NRAP: variants seen among roughly 807,000 people sequenced by gnomAD.
NRAP encodes nebulin related anchoring protein.
NRAP carries 189 observed loss-of-function variants against 225.9 expected under a neutral mutation model. The ratio of observed to expected loss-of-function variants is 0.84; its 90% CI spans 0.74 to 0.94. The LOEUF (loss-of-function observed/expected upper bound fraction) is 0.94, where lower values mean the gene tolerates loss of function less well. Ranked by LOEUF, NRAP falls within the 40% of genes least tolerant of loss-of-function variation. The probability of loss-of-function intolerance (pLI) is 0.00; values close to 1 mark genes in which losing one functional copy is unlikely to be tolerated. For missense variants in NRAP, 2,176 were observed against 2,168.7 expected (o/e 1.00, Z -0.07); for synonymous variants, 769 against 790.7 (o/e 0.97, Z 0.46).
At chr10:113,649,831 T>A (rs1445674885) in intron 9 of NRAP, among the ~76,000 whole-genome samples, 1 of 152,174 alleles carries the variant, frequency 6.6e-6, no homozygotes, top group Non-Finnish European at 1.5e-5. Context: ...AAAAAGAAAG[T>A]GCCTCAATCT....
rs760493072 is a variant in NRAP at position 113,663,826 on chromosome 10, G to A, written c.57C>T (p.Ile19=). The change falls in exon 1 of 42, where the codon ATC becomes ATT. Residue 19 remains isoleucine (I), a synonymous_variant. Transcript: ENST00000359988. The part of the protein sequence containing the change: ...CGYGVYPAEK[I]SCIDQIWHKA... ...GTCTACTGACCTGATCTATACAGCT[G>A]ATCTTCTCGGCAGGATAAACCCCAT... 2.5e-6 allele frequency: 4 copies of A among 1,613,196 alleles called. No individual in the cohort carries two copies. Among genetic ancestry groups the A allele is most frequent in the Non-Finnish European group, 3.4e-6 (4 of 1,179,224 alleles).
At chr10:113,662,584 G>A in intron 3 of NRAP, 95 bp downstream of exon 3, 1 of 782,680 alleles carries the variant, frequency 1.3e-6, no homozygotes, top group Non-Finnish European at 2.2e-6. Flanking sequence ...CACTGTGCCT[G>A]GCTAGAATAT....
In NRAP at chr10:113,631,492, G is replaced by A. The variant is rs1848575819; in HGVS notation, c.1842+17C>T. On this transcript the variant is annotated intron_variant, in intron 18 of 41. Coordinates refer to ENST00000359988, the MANE Select transcript of NRAP (RefSeq NM_198060.4). ...CACAACTGTAAGTGAGAGGTTGGGGGTTAGAAAAGAGTTTACCTCACTGCT... is the reference window on the plus strand; with the variant it reads ...CACAACTGTAAGTGAGAGGTTGGGGATTAGAAAAGAGTTTACCTCACTGCT... 1.3e-6 allele frequency: 2 copies of A among 1,510,396 alleles called. No homozygotes were observed. Among genetic ancestry groups the A allele is most frequent in the Non-Finnish European group, 1.8e-6 (2 of 1,099,430 alleles). 93.6% of individuals were successfully genotyped at this position (1,510,396 alleles called of 1,614,324 possible).
intron 13 of NRAP, among the ~76,000 whole-genome samples, chr10:113,640,880 A>G (rs956492613): frequency 6.6e-6 from 1 of 152,224 alleles, no homozygotes; most frequent in Non-Finnish European, 1.5e-5. Context: ...GGGGAAAACA[A>G]GGACTTGATC....
At chr10:113,644,495 T>C (rs1430350081) in intron 11 of NRAP, among the ~76,000 whole-genome samples, 2 of 152,214 alleles carry the variant, frequency 1.3e-5, no homozygotes, top group African/African-American at 4.8e-5. Flanking sequence ...GGAACAAATG[T>C]GATATGAATG....
At position 113,604,641 on chromosome 10, in the gene NRAP, A is replaced by G. The variant is rs780971966; in HGVS notation, c.4195T>C (p.Trp1399Arg). The G allele has an allele frequency of 1.2e-6, 2 of 1,614,064 alleles. No homozygotes were observed. Residue 1399 changes from tryptophan to arginine, a missense_variant, in exon 35 of 42, where the codon TGG (tryptophan) becomes CGG (arginine). By Grantham distance (101) the Trp-to-Arg change is moderately radical. Coordinates refer to ENST00000359988, the MANE Select transcript of NRAP (RefSeq NM_198060.4). ...TALPEDLKMA[W>R]AKKAHALQSE... ...TGCAGGGCATGGGCTTTCTTGGCCC[A>G]GGCCATCTTCAGGTCCTCGGGCAGT...
At position 113,620,616 on chromosome 10, in the gene NRAP, T is replaced by C; in HGVS notation, c.2862A>G (p.Glu954=). ...LNVEQAKKAG[E]LISEKKYRQH... ...CAGGAAATCTCACCTCGCTAATGAG[T>C]TCTCCTGCCTTCTTCGCCTGCTCCA... is the stretch of plus-strand genomic sequence containing the variant. The change falls in exon 25 of 42, where the codon GAA becomes GAG. Residue 954 remains glutamate (E), a synonymous_variant. Transcript: ENST00000359988. The C allele has an allele frequency of 6.2e-7, 1 of 1,609,846 alleles. No individual in the cohort carries two copies. Among genetic ancestry groups the C allele is most frequent in the Non-Finnish European group, 8.5e-7 (1 of 1,176,392 alleles).
chr10:113,598,188 C>T, intron 35 of NRAP, 115 bp from the exon 36 acceptor site: 1 of 732,194 alleles, frequency 1.4e-6, no homozygotes, highest in South Asian at 1.5e-5. Flanking sequence ...CACAACATTT[C>T]AACATCTTCA....
intron 35 of NRAP, among the ~76,000 whole-genome samples, chr10:113,599,647 T>C (rs1592732737): frequency 6.6e-6 from 1 of 152,208 alleles, no homozygotes; most frequent in East Asian, 1.9e-4. Context: ...TGTCTATTGA[T>C]ATCTCAGCTC....
chr10:113,632,470 G>A (rs925344734), intron 16 of NRAP, among the ~76,000 whole-genome samples: 3 of 152,172 alleles, frequency 2.0e-5, no homozygotes, highest in African/African-American at 7.2e-5. Context: ...GAGGCTCAGA[G>A]AAATTAAAGA....
At chr10:113,633,049 A>G in intron 16 of NRAP, 35 bp downstream of exon 16, 2 of 1,054,554 alleles carry the variant, frequency 1.9e-6, no homozygotes, top group Non-Finnish European at 3.0e-6. Context: ...TCGCTCTATA[A>G]CCCCCTCCAC....
At chr10:113,597,821 G>A in intron 36 of NRAP, 148 bp downstream of exon 36, 1 of 661,898 alleles carries the variant, frequency 1.5e-6, no homozygotes, top group Admixed American at 2.3e-5. Flanking sequence ...TTCTGTCTTG[G>A]GATTTGGTTG....
Position 113,625,171 on chromosome 10 carries a change from A to T in NRAP, c.2245-241T>A, listed in dbSNP as rs188899524. Among the ~76,000 whole-genome samples, 702 of 152,276 alleles carry T rather than the reference A, an allele frequency of 4.6e-3. 1 individual carries two copies. The highest frequency in any genetic ancestry group is 7.3e-3 in the Non-Finnish European group (495 of 68,006). On this transcript the variant is annotated intron_variant, in intron 21 of 41. Coordinates refer to ENST00000359988, the MANE Select transcript of NRAP (RefSeq NM_198060.4). ...AGGGAGCCAACCTGAAAACCCCTCC[A>T]AGATTTCTCTTTTCACACCTTTCCT...
At chr10:113,618,697 G>A (rs1286621147) in intron 25 of NRAP, among the ~76,000 whole-genome samples, 1 of 152,226 alleles carries the variant, frequency 6.6e-6, no homozygotes, top group African/African-American at 2.4e-5. Flanking sequence ...CTGTAGCCCA[G>A]CACTTTGGGA....
chr10:113,631,431 C>A, intron 18 of NRAP, 78 bp downstream of exon 18: 1 of 782,352 alleles, frequency 1.3e-6, no homozygotes, highest in Non-Finnish European at 2.1e-6. Flanking sequence ...GTTACAGTCC[C>A]AGGTGAAGTA....
chr10:113,621,965 T>C lies in NRAP; in HGVS notation c.2673A>G (p.Thr891=). Residue 891 remains threonine (T), a synonymous_variant, in exon 24 of 42, where the codon ACA becomes ACG. Transcript: ENST00000359988. ...VHARKAQHLA[T]DVGYKTAEHH... ...GTTCCGCTGTCTTGTAGCCTACGTC[T>C]GTGGCTAAATGCTGAGCTTTGCGGG... 6.2e-7 allele frequency: 1 copy of C among 1,614,236 alleles called. No individual in the cohort carries two copies. The highest frequency in any genetic ancestry group is 2.2e-5 in the East Asian group (1 of 44,886).
intron 20 of NRAP, among the ~76,000 whole-genome samples, chr10:113,627,870 C>T (rs1183993526): frequency 6.6e-6 from 1 of 152,226 alleles, no homozygotes; most frequent in Non-Finnish European, 1.5e-5. Flanking sequence ...GCAACCTATA[C>T]ATGACAGTAT....
intron 9 of NRAP, among the ~76,000 whole-genome samples, chr10:113,647,613 C>CGGTGGTACTGCCTCCCCT (rs1564752844): frequency 1.9e-4 from 24 of 129,030 alleles, no homozygotes; most frequent in Middle Eastern, 4.7e-3. Context: ...CTGTCTCCCC[C>CGGTGGTACTGCCTCCCCT]GGTGGTACTT....
At chr10:113,646,209 AC>A (rs997653505) in intron 10 of NRAP, among the ~76,000 whole-genome samples, 1 of 152,184 alleles carries the variant, frequency 6.6e-6, no homozygotes, top group African/African-American at 2.4e-5. Context: ...AATAATCATA[AC>A]AAAAGTTGTC....
Sources: gnomAD v4.1 joint callset for allele counts (sites outside exome capture counted in the v4.1 genomes callset) on GRCh38, gnomAD v4.1.1 for gene constraint, MANE v1.5 for transcripts, NCBI Gene and HGNC (gene_info 2026-07-23, HGNC 2026-07-21) for gene names.